The following SLIT3 variants were observed in gnomAD, a reference collection of about 807,000 sequenced individuals.
SLIT3 encodes slit guidance ligand 3, also known as slit homolog 3 protein.
SLIT3 carries 68 observed loss-of-function variants against 184.0 expected under a neutral mutation model. That is an observed-to-expected ratio of 0.37 (90% CI 0.30 to 0.45). The LOEUF (loss-of-function observed/expected upper bound fraction) is 0.45, where lower values mean the gene tolerates loss of function less well. SLIT3 is among the 20% of genes least tolerant of loss of function. SLIT3 has a pLI of 1.00. For synonymous variants in SLIT3, 831 were observed against 828.6 expected, an observed-to-expected ratio of 1.00 and a Z score of -0.05; for missense variants, 1,707 against 2,026.0, an observed-to-expected ratio of 0.84 and a Z score of 3.02.
intron 12 of SLIT3, among the ~76,000 whole-genome samples, chr5:168,776,757 A>AG (rs1491300307): frequency 6.6e-6 from 1 of 152,184 alleles, no homozygotes; most frequent in East Asian, 1.9e-4. Context: ...GCAGAGAAAC[A>AG]GGGAGAAAAG....
chr5:168,972,376 T>A (rs947542360), intron 4 of SLIT3, among the ~76,000 whole-genome samples: 7 of 150,792 alleles, frequency 4.6e-5, no homozygotes, highest in Non-Finnish European at 1.0e-4. Flanking sequence ...TGTGTGTGTG[T>A]GAAGAGAGAA....
At chr5:169,159,873 C>A (rs1762424403) in intron 4 of SLIT3, among the ~76,000 whole-genome samples, 1 of 152,214 alleles carries the variant, frequency 6.6e-6, no homozygotes, top group African/African-American at 2.4e-5. Flanking sequence ...GCAACCAGCA[C>A]ATGCCCTTTC....
Position 169,251,549 on chromosome 5 carries a change from C to A in SLIT3, c.198-90G>T, listed in dbSNP as rs548992056. The A allele has an allele frequency of 6.8e-6, 6 of 880,762 alleles. No homozygotes were observed. In the African/African-American group the frequency reaches 9.8e-5, roughly 14 times the overall value. The allele number at this position is 880,762 out of a possible 1,614,324, so 54.6% of individuals were successfully genotyped here. On this transcript the variant is annotated intron_variant, in intron 1 of 35. Transcript: ENST00000519560. ...ACTGGCTTGGACTGAAGGGATGTTGCTTGTCCAGAAGGCGGCAATTCTGAT... is the reference window on the plus strand; with the variant it reads ...ACTGGCTTGGACTGAAGGGATGTTGATTGTCCAGAAGGCGGCAATTCTGAT...
intron 4 of SLIT3, among the ~76,000 whole-genome samples, chr5:169,135,832 A>G (rs535011421): frequency 2.6e-5 from 4 of 152,292 alleles, no homozygotes; most frequent in Non-Finnish European, 1.5e-5. Context: ...GCAGGCCAGG[A>G]AGGTTTTTCT....
chr5:168,753,087 C>T lies in SLIT3; in HGVS notation c.1841G>A (p.Ser614Asn), dbSNP rs1192626286. The T allele has an allele frequency of 4.3e-6, 7 of 1,614,114 alleles. No homozygotes were observed. The highest frequency in any genetic ancestry group is 5.1e-6 in the Non-Finnish European group (6 of 1,180,010). Residue 614 changes from serine (S) to asparagine (N), a missense_variant, in exon 18 of 36, where the codon AGT becomes AAT. Ser to Asn is a conservative substitution (Grantham distance 46). Around this residue, in one of 3 missense-constraint regions of SLIT3, gnomAD observed 1,307 missense variants for 1,511.6 expected, o/e 0.86. Transcript: ENST00000519560. The stretch of plus-strand genomic sequence containing the variant: ...ATTACTCACACAGCCGATCAAGTTA[C>T]TCCTCAGCATCCTACAGGGAGAGGG... ...LSGLKTLMLR[S>N]NLIGCVSNDT...
intron 4 of SLIT3, among the ~76,000 whole-genome samples, chr5:168,938,215 C>G (rs1457684513): frequency 6.6e-6 from 1 of 152,196 alleles, no homozygotes; most frequent in African/African-American, 2.4e-5. Flanking sequence ...AGAACATATT[C>G]TGGCTAAATA....
chr5:168,737,456 C>T (rs80300182), intron 20 of SLIT3, among the ~76,000 whole-genome samples: 7,811 of 149,976 alleles, frequency 0.052, 216 homozygotes, highest in African/African-American at 0.084. Context: ...CAGTGCTGTG[C>T]ACACACACAC....
At chr5:169,145,399 T>C (rs1348412363) in intron 4 of SLIT3, among the ~76,000 whole-genome samples, 1 of 152,174 alleles carries the variant, frequency 6.6e-6, no homozygotes, top group Admixed American at 6.5e-5. Context: ...TTCTAAGGTA[T>C]ACATGTGCAG....
chr5:168,755,009 T>C (rs995849937), intron 16 of SLIT3, among the ~76,000 whole-genome samples: 7 of 152,242 alleles, frequency 4.6e-5, no homozygotes, highest in East Asian at 1.9e-4. Context: ...GGATCCCTGA[T>C]ACAAATAAAT....
At chr5:168,871,235 T>C (rs1207605727) in intron 5 of SLIT3, among the ~76,000 whole-genome samples, 1 of 152,252 alleles carries the variant, frequency 6.6e-6, no homozygotes, top group Non-Finnish European at 1.5e-5. Context: ...TCTGATTACA[T>C]TGGATCCCCT....
chr5:168,975,716 T>C (rs1754731378), intron 4 of SLIT3, among the ~76,000 whole-genome samples: 1 of 152,220 alleles, frequency 6.6e-6, no homozygotes, highest in Admixed American at 6.5e-5. Flanking sequence ...CCCTGGATTT[T>C]CCCCTTTGCT....
intron 28 of SLIT3, among the ~76,000 whole-genome samples, chr5:168,695,624 A>G (rs901996282): frequency 3.9e-5 from 6 of 152,124 alleles, no homozygotes; most frequent in African/African-American, 1.4e-4. Flanking sequence ...ATCTAATGAT[A>G]TATTTAACTG....
At chr5:169,128,438 A>T (rs889863750) in intron 4 of SLIT3, among the ~76,000 whole-genome samples, 1 of 151,702 alleles carries the variant, frequency 6.6e-6, no homozygotes, top group East Asian at 1.9e-4. Flanking sequence ...TTATTTATTT[A>T]TCTTTTTTAA....
At chr5:168,756,288 C>T (rs956030525) in intron 16 of SLIT3, among the ~76,000 whole-genome samples, 1 of 152,178 alleles carries the variant, frequency 6.6e-6, no homozygotes, top group Non-Finnish European at 1.5e-5. Flanking sequence ...TGCCAGGGGG[C>T]GAGAACTCCC....
chr5:169,071,125 G>A (rs1383224128), intron 4 of SLIT3, among the ~76,000 whole-genome samples: 1 of 152,194 alleles, frequency 6.6e-6, no homozygotes, highest in Non-Finnish European at 1.5e-5. Context: ...TATGCCCTGA[G>A]TCTTGAGACT....
chr5:168,864,174 G>C (rs993806260), intron 5 of SLIT3, among the ~76,000 whole-genome samples: 1 of 152,138 alleles, frequency 6.6e-6, no homozygotes, highest in Non-Finnish European at 1.5e-5. Context: ...ACTCCAGCCC[G>C]GCCGACAAAG....
At chr5:169,227,392 CGTAG>C (rs1164385535) in intron 3 of SLIT3, among the ~76,000 whole-genome samples, 2 of 152,136 alleles carry the variant, frequency 1.3e-5, no homozygotes, top group Non-Finnish European at 2.9e-5. Context: ...AACAACTCAG[CGTAG>C]GTATTAGGTT....
At chr5:169,098,124 G>A (rs951250584) in intron 4 of SLIT3, among the ~76,000 whole-genome samples, 12 of 151,510 alleles carry the variant, frequency 7.9e-5, no homozygotes, top group Admixed American at 5.2e-4. Context: ...GCCCCGGCTT[G>A]ATTTTTTTTG....
intron 23 of SLIT3, 106 bp downstream of exon 23, chr5:168,722,150 G>C: frequency 2.1e-6 from 2 of 944,860 alleles, no homozygotes; most frequent in Non-Finnish European, 3.4e-6. Context: ...GTGTGTTTGG[G>C]GGTGGAGTGG....
Sources: allele counts gnomAD v4.1 joint callset (sites outside exome capture counted in the v4.1 genomes callset), GRCh38; gene constraint gnomAD v4.1.1; regional missense constraint gnomAD v4.1.1; transcripts MANE v1.5; gene names NCBI Gene and HGNC (gene_info 2026-07-23, HGNC 2026-07-21).